MMP26: variants seen among roughly 807,000 people sequenced by gnomAD.
MMP26 encodes matrix metalloproteinase-26.
Under a neutral mutation model 31.0 loss-of-function variants are expected in MMP26, and 33 were observed. The ratio of observed to expected loss-of-function variants is 1.06; its 90% confidence interval spans 0.81 to 1.42. The LOEUF (loss-of-function observed/expected upper bound fraction) is 1.42, where lower values mean the gene tolerates loss of function less well. MMP26 is among the 40% of genes most tolerant of loss of function. The pLI is 0.00. For missense variants in MMP26, 347 were observed against 316.1 expected (o/e 1.10, Z -0.74); for synonymous variants, 122 against 114.9 (o/e 1.06, Z -0.40).
In MMP26 at chr11:4,935,045, A is replaced by C. The variant is rs12281519; in HGVS notation, c.-144-53023A>C. Among the ~76,000 whole-genome samples the C allele has an allele frequency of 9.3e-3, 1,412 of 151,654 alleles. 40 individuals carry two copies. The highest frequency in any genetic ancestry group is 0.032 in the African/African-American group (1,342 of 41,350). On this transcript the variant is annotated intron_variant, in intron 2 of 7. Coordinates refer to ENST00000380390, the MANE Select transcript of MMP26 (RefSeq NM_021801.5). ...GCTTTGTTCTTTTGGCTTAGGATTG[A>C]CTTGGCAATGTGGGCTCTTTTTTGG...
At chr11:4,953,906 G>T (rs1436909522) in intron 2 of MMP26, among the ~76,000 whole-genome samples, 1 of 124,762 alleles carries the variant, frequency 8.0e-6, no homozygotes, top group Non-Finnish European at 1.8e-5. Flanking sequence ...ACAAAAATCA[G>T]CCAGGCGTGG....
intron 2 of MMP26, among the ~76,000 whole-genome samples, chr11:4,872,856 T>C (rs1052926221): frequency 2.0e-5 from 3 of 152,034 alleles, no homozygotes; most frequent in African/African-American, 7.2e-5. Flanking sequence ...ACTCTTTCCA[T>C]GGTCTACCAC....
chr11:4,816,901 G>C (rs977165184), intron 2 of MMP26, among the ~76,000 whole-genome samples: 26 of 149,932 alleles, frequency 1.7e-4, no homozygotes, highest in African/African-American at 6.4e-4. Context: ...TAGTAGAAAC[G>C]TGGTTTCACC....
chr11:4,733,620 G>T (rs1021996282), intron 1 of MMP26, among the ~76,000 whole-genome samples: 1 of 152,104 alleles, frequency 6.6e-6, no homozygotes, highest in African/African-American at 2.4e-5. Context: ...AAAAGATGAT[G>T]TCAATGCAAA....
At chr11:4,898,118 A>G (rs954509193) in intron 2 of MMP26, among the ~76,000 whole-genome samples, 7 of 151,026 alleles carry the variant, frequency 4.6e-5, no homozygotes, top group Non-Finnish European at 8.9e-5. Context: ...ATGGCTATGG[A>G]TTTTCTTAGG....
chr11:4,737,010 G>A (rs900240496), intron 1 of MMP26: 1 of 153,912 alleles, frequency 6.5e-6, no homozygotes, highest in African/African-American at 2.4e-5. Flanking sequence ...AGCAGAAGGG[G>A]ATGGAGATCC....
intron 2 of MMP26, among the ~76,000 whole-genome samples, chr11:4,878,327 G>A (rs1850412637): frequency 6.6e-6 from 1 of 152,040 alleles, no homozygotes; most frequent in African/African-American, 2.4e-5. Flanking sequence ...ATTCAGTGAT[G>A]AACATAGAAC....
chr11:4,743,688 C>T (rs1848342906), intron 1 of MMP26, among the ~76,000 whole-genome samples: 1 of 152,194 alleles, frequency 6.6e-6, no homozygotes, highest in Non-Finnish European at 1.5e-5. Flanking sequence ...AGACTCAGCA[C>T]TGCACTTCCA....
chr11:4,821,838 C>T, intron 2 of MMP26: 1 of 1,613,278 alleles, frequency 6.2e-7, no homozygotes, highest in Non-Finnish European at 8.5e-7. Context: ...CCATCCTTAC[C>T]AATGCCCGAA....
At chr11:4,970,629 C>T (rs1846653348) in intron 2 of MMP26, among the ~76,000 whole-genome samples, 1 of 152,188 alleles carries the variant, frequency 6.6e-6, no homozygotes, top group African/African-American at 2.4e-5. Context: ...CATCAGTCTC[C>T]TTAGGGGCAA....
chr11:4,774,173 T>C (rs997302693), intron 2 of MMP26, among the ~76,000 whole-genome samples: 2 of 152,190 alleles, frequency 1.3e-5, no homozygotes, highest in Non-Finnish European at 2.9e-5. Flanking sequence ...GATTGCTGGG[T>C]CAAATGGTAT....
At chr11:4,895,567 A>T (rs1355796612) in intron 2 of MMP26, among the ~76,000 whole-genome samples, 1 of 152,194 alleles carries the variant, frequency 6.6e-6, no homozygotes, top group Non-Finnish European at 1.5e-5. Context: ...CAGTTGCATG[A>T]TTTCTGAGAT....
chr11:4,783,265 T>A (rs2133434741), intron 2 of MMP26, among the ~76,000 whole-genome samples: 1 of 152,330 alleles, frequency 6.6e-6, no homozygotes, highest in South Asian at 2.1e-4. Flanking sequence ...GGAACCCACC[T>A]CTTGCATCAG....
At chr11:4,803,977 T>C (rs1431753483) in intron 2 of MMP26, 25 of 1,612,778 alleles carry the variant, frequency 1.6e-5, no homozygotes, top group Non-Finnish European at 2.0e-5. Flanking sequence ...GATGCTAGAG[T>C]GTCGGAGTGG....
At chr11:4,738,682 C>T (rs1274049867) in intron 1 of MMP26, among the ~76,000 whole-genome samples, 1 of 152,060 alleles carries the variant, frequency 6.6e-6, no homozygotes, top group Non-Finnish European at 1.5e-5. Flanking sequence ...AATAAATAGC[C>T]TTTTGTCCTG....
intron 2 of MMP26, among the ~76,000 whole-genome samples, chr11:4,819,327 G>C (rs1057407489): frequency 5.3e-5 from 8 of 152,104 alleles, no homozygotes; most frequent in African/African-American, 1.9e-4. Context: ...CAAGTGACTT[G>C]AGAATAGGCA....
intron 2 of MMP26, among the ~76,000 whole-genome samples, chr11:4,813,014 T>G (rs1355713641): frequency 6.8e-6 from 1 of 147,436 alleles, no homozygotes; most frequent in Non-Finnish European, 1.5e-5. Flanking sequence ...TGTGTGTGTA[T>G]GTATATATAT....
intron 1 of MMP26, among the ~76,000 whole-genome samples, chr11:4,727,955 A>G (rs1001047649): frequency 3.9e-5 from 6 of 152,232 alleles, no homozygotes; most frequent in Non-Finnish European, 7.3e-5. Flanking sequence ...AACACTGCTG[A>G]GTGTAAGTGA....
chr11:4,908,101 C>G (rs1850931426), intron 2 of MMP26: 1 of 1,614,002 alleles, frequency 6.2e-7, no homozygotes, highest in South Asian at 1.1e-5. Context: ...TCTCCCACAT[C>G]TGTGCTGTGC....
Sources: allele counts gnomAD v4.1 joint callset (sites outside exome capture counted in the v4.1 genomes callset), GRCh38; gene constraint gnomAD v4.1.1; transcripts MANE v1.5; gene names NCBI Gene and HGNC (gene_info 2026-07-23, HGNC 2026-07-21).